CTNNB1: variants seen among roughly 807,000 people sequenced by gnomAD.
CTNNB1 encodes the protein catenin beta-1.
In CTNNB1, 6 loss-of-function variants were observed where a neutral mutation model predicts 82.5. That is an observed-to-expected ratio of 0.07 (90% CI 0.04 to 0.14). CTNNB1 has a LOEUF of 0.14. Ranked by LOEUF, CTNNB1 falls within the 10% of genes least tolerant of loss-of-function variation. The pLI is 1.00. For missense variants in CTNNB1, 529 were observed against 980.4 expected (o/e 0.54, Z 6.15); for synonymous variants, 312 against 329.7 (o/e 0.95, Z 0.58).
Position 41,225,106 on chromosome 3 carries a change from C to G in CTNNB1, c.394C>G (p.Leu132Val), listed in dbSNP as rs775491694. ...VQRLAEPSQM[L>V]KHAVVNLINY... ...GCGTTTGGCTGAACCATCACAGATG[C>G]TGAAACATGCAGTTGTAAACTTGAT... The change falls in exon 4 of 15, where the codon CTG becomes GTG. Residue 132 changes from leucine (L) to valine (V), a missense_variant. This residue lies in a region of CTNNB1 where 411 missense variants were observed against 776.4 expected (regional missense o/e 0.53). Transcript: ENST00000349496. The surrounding 1 kb of genome is among the most constrained non-coding windows in gnomAD (Gnocchi z 5.3). The G allele has an allele frequency of 6.2e-7, 1 of 1,614,054 alleles. No individual in the cohort carries two copies. Among genetic ancestry groups the G allele is most frequent in the Non-Finnish European group, 8.5e-7 (1 of 1,179,980 alleles).
In CTNNB1 at chr3:41,240,313, T is replaced by TTTGGAACCTTGTTTTGGACAGTTTA. The variant is rs2078553907; in HGVS notation, c.*972_*996dup. ...TAGGGTAAATCAGTAAGAGGTGTTA[T>TTTGGAACCTTGTTTTGGACAGTTTA]TTGGAACCTTGTTTTGGACAGTTTA... On this transcript the variant is annotated 3_prime_UTR_variant, in exon 15 of 15. Transcript: ENST00000349496. 5.2e-6 allele frequency: 1 copy of TTTGGAACCTTGTTTTGGACAGTTTA among 191,800 alleles called. No individual in the cohort carries two copies. Among genetic ancestry groups the TTTGGAACCTTGTTTTGGACAGTTTA allele is most frequent in the Non-Finnish European group, 1.1e-5 (1 of 91,292 alleles). 11.9% of individuals were successfully genotyped at this position (191,800 alleles called of 1,614,324 possible). A position where few individuals can be genotyped will look rare whatever the true frequency, so the allele number is the denominator to read the frequency against.
intron 1 of CTNNB1, among the ~76,000 whole-genome samples, chr3:41,209,449 TTGCAG>T (rs1411585734): frequency 1.3e-5 from 2 of 152,232 alleles, no homozygotes; most frequent in Non-Finnish European, 2.9e-5. Context: ...GCTTAAAAGC[TTGCAG>T]TTCTTGACTC....
At position 41,225,975 on chromosome 3, in the gene CTNNB1, A is replaced by G; in HGVS notation, c.936+114A>G. ...GCACCAGGGACCAGTTTCGTGGAAA[A>G]CAGTTTTTCCATGAATGGGTTGTGG... On this transcript the variant is annotated intron_variant, in intron 6 of 14. Coordinates refer to ENST00000349496, the MANE Select transcript of CTNNB1 (RefSeq NM_001904.4). The surrounding 1 kb of genome is among the most constrained non-coding windows in gnomAD (Gnocchi z 5.3). 3.1e-6 allele frequency: 3 copies of G among 954,818 alleles called. No individual in the cohort carries two copies. Among genetic ancestry groups the G allele is most frequent in the Non-Finnish European group, 4.9e-6 (3 of 610,802 alleles). The allele number at this position is 954,818 out of a possible 1,614,324, so 59.1% of individuals were successfully genotyped here.
chr3:41,213,701 GAAAAC>G (rs1165374410), intron 1 of CTNNB1, among the ~76,000 whole-genome samples: 1 of 151,940 alleles, frequency 6.6e-6, no homozygotes, highest in Non-Finnish European at 1.5e-5. Context: ...CGTAAATTGA[GAAAAC>G]AAAAAAATAT....
chr3:41,238,166 C>T (rs929920992), intron 14 of CTNNB1, 90 bp downstream of exon 14: 2 of 1,138,114 alleles, frequency 1.8e-6, no homozygotes. Flanking sequence ...TCTGGGAAAC[C>T]AGTGTTGGCA....
intron 1 of CTNNB1, among the ~76,000 whole-genome samples, chr3:41,207,880 A>G (rs1037667440): frequency 9.2e-5 from 14 of 152,180 alleles, no homozygotes; most frequent in Non-Finnish European, 1.9e-4. Flanking sequence ...TGCACACCTT[A>G]TAACACTGAA....
In CTNNB1 at chr3:41,237,999, T is replaced by G. The variant is rs901101021; in HGVS notation, c.2077-17T>G. 2.9e-5 allele frequency: 46 copies of G among 1,611,768 alleles called. No individual in the cohort carries two copies. Among genetic ancestry groups the G allele is most frequent in the Non-Finnish European group, 3.4e-5 (40 of 1,177,954 alleles). On this transcript the variant is annotated splice_polypyrimidine_tract_variant and intron_variant, in intron 13 of 14. Coordinates refer to ENST00000349496, the MANE Select transcript of CTNNB1 (RefSeq NM_001904.4). Reference sequence around the variant, plus strand: ...TTTTGCTTTCTATTCTTCCTTGCTTTGTGCATGTTTATCTAGACTGCTGAT... The same window carrying G: ...TTTTGCTTTCTATTCTTCCTTGCTTGGTGCATGTTTATCTAGACTGCTGAT...
At chr3:41,216,825 A>G (rs2077926881) in intron 1 of CTNNB1, among the ~76,000 whole-genome samples, 1 of 152,148 alleles carries the variant, frequency 6.6e-6, no homozygotes, top group East Asian at 1.9e-4. Flanking sequence ...CATACTTGAT[A>G]TATGTTAAAT....
chr3:41,230,732 T>G (rs1559472404), intron 7 of CTNNB1, among the ~76,000 whole-genome samples: 1 of 152,140 alleles, frequency 6.6e-6, no homozygotes, highest in Non-Finnish European at 1.5e-5. Context: ...GGGAACCGTC[T>G]CTTGTCTATA....
At chr3:41,213,363 A>G (rs185516743) in intron 1 of CTNNB1, among the ~76,000 whole-genome samples, 23 of 152,254 alleles carry the variant, frequency 1.5e-4, no homozygotes, top group Non-Finnish European at 3.4e-4. Context: ...TGACCACTCT[A>G]AGTGGGCCCT....
chr3:41,211,068 C>T (rs1171025273), intron 1 of CTNNB1: 1 of 456,502 alleles, frequency 2.2e-6, no homozygotes, highest in Non-Finnish European at 4.4e-6. Context: ...GCGAGGATTA[C>T]AGGTAAGAGC....
Position 41,239,542 on chromosome 3 carries a change from A to ATCATGTGTGGAAG in CTNNB1, c.*202_*214dup. On this transcript the variant is annotated 3_prime_UTR_variant, in exon 15 of 15. Transcript: ENST00000349496. Reference sequence around the variant, plus strand: ...TTCTCAGATTTCTGGTTGTTATGTGATCATGTGTGGAAGTTATTAACTTTA... The same window carrying ATCATGTGTGGAAG: ...TTCTCAGATTTCTGGTTGTTATGTGATCATGTGTGGAAGTCATGTGTGGAAGTTATTAACTTTA... 1 of 608,252 alleles carries ATCATGTGTGGAAG rather than the reference A, an allele frequency of 1.6e-6. No individual in the cohort carries two copies. Among genetic ancestry groups the ATCATGTGTGGAAG allele is most frequent in the African/African-American group, 1.8e-5 (1 of 54,310 alleles). 37.7% of individuals were successfully genotyped at this position (608,252 alleles called of 1,614,324 possible). A position where few individuals can be genotyped will look rare whatever the true frequency, so the allele number is the denominator to read the frequency against.
chr3:41,207,946 C>A (rs1171507050), intron 1 of CTNNB1, among the ~76,000 whole-genome samples: 1 of 152,102 alleles, frequency 6.6e-6, no homozygotes, highest in African/African-American at 2.4e-5. Flanking sequence ...ACTTCTTGAC[C>A]TTTATTTTCC....
At position 41,239,608 on chromosome 3, in the gene CTNNB1, A is replaced by G. The variant is rs1192480550; in HGVS notation, c.*266A>G. ...GCTTTTGCAACTTAATACTCAAATG[A>G]GTAACATTTGCTGTTTTAAACATTA... On this transcript the variant is annotated 3_prime_UTR_variant, in exon 15 of 15. Transcript: ENST00000349496. 5 of 521,242 alleles carry G rather than the reference A, an allele frequency of 9.6e-6. No homozygotes were observed. The highest frequency in any genetic ancestry group is 1.7e-5 in the Non-Finnish European group (5 of 287,320). The allele number at this position is 521,242 out of a possible 1,614,324, so 32.3% of individuals were successfully genotyped here.
intron 1 of CTNNB1, among the ~76,000 whole-genome samples, chr3:41,206,359 G>A (rs2077649254): frequency 1.3e-5 from 2 of 152,132 alleles, no homozygotes; most frequent in African/African-American, 4.8e-5. Context: ...TAGGTTTAGT[G>A]TGATAAGCTT....
intron 1 of CTNNB1, among the ~76,000 whole-genome samples, chr3:41,214,612 T>C (rs1032731507): frequency 6.6e-6 from 1 of 152,178 alleles, no homozygotes; most frequent in African/African-American, 2.4e-5. Context: ...AAAAACCCTT[T>C]CTATTACAGG....
At chr3:41,207,393 A>G (rs2077673258) in intron 1 of CTNNB1, among the ~76,000 whole-genome samples, 2 of 152,122 alleles carry the variant, frequency 1.3e-5, no homozygotes. Flanking sequence ...TGCAGATTCT[A>G]TTACATTTGT....
At position 41,201,227 on chromosome 3, in the gene CTNNB1, T is replaced by C. The variant is rs1311445724; in HGVS notation, c.-49+1557T>C. Among the ~76,000 whole-genome samples the C allele has an allele frequency of 1.3e-5, 2 of 152,260 alleles. 1 individual carries two copies. Among genetic ancestry groups the C allele is most frequent in the Non-Finnish European group, 2.9e-5 (2 of 68,048 alleles). On this transcript the variant is annotated intron_variant, in intron 1 of 14. Coordinates refer to ENST00000349496, the MANE Select transcript of CTNNB1 (RefSeq NM_001904.4). ...ATAGTCTCAAGTGTTATTTATGTTA[T>C]ACTGCTGGTTTATTCTCTGCTTAAA...
chr3:41,213,512 A>G (rs1384507710), intron 1 of CTNNB1, among the ~76,000 whole-genome samples: 1 of 152,226 alleles, frequency 6.6e-6, no homozygotes, highest in African/African-American at 2.4e-5. Flanking sequence ...AGTAATCACT[A>G]CTGCACACCC....
Sources: gnomAD v4.1 joint callset for allele counts (sites outside exome capture counted in the v4.1 genomes callset) on GRCh38, gnomAD v4.1.1 for gene constraint, gnomAD v4.1.1 regional missense constraint, Gnocchi (gnomAD v3.1) non-coding constraint, MANE v1.5 for transcripts, NCBI Gene and HGNC (gene_info 2026-07-23, HGNC 2026-07-21) for gene names.